Variants in LSAMP observed in about 807,000 individuals in gnomAD.
The protein encoded by LSAMP is limbic system-associated membrane protein.
LSAMP carries 7 observed loss-of-function variants against 38.6 expected under a neutral mutation model. The observed-to-expected ratio is 0.18, with a 90% CI of 0.10 to 0.34. LSAMP has a LOEUF of 0.34. Ranked by LOEUF, LSAMP falls within the 10% of genes least tolerant of loss-of-function variation. The pLI, the probability that LSAMP is intolerant of heterozygous loss-of-function variation, is 1.00. For synonymous variants in LSAMP, 154 were observed against 166.8 expected (o/e 0.92, Z 0.59); for missense variants, 313 against 420.0 (o/e 0.75, Z 2.23).
At chr3:116,037,880 T>G (rs1017972476) in intron 2 of LSAMP, among the ~76,000 whole-genome samples, 2 of 152,126 alleles carry the variant, frequency 1.3e-5, no homozygotes, top group Admixed American at 1.3e-4. Context: ...ATAAGCTTAT[T>G]CTGTTTAGAT....
chr3:116,055,964 T>G (rs1941483800), intron 2 of LSAMP, among the ~76,000 whole-genome samples: 1 of 116,082 alleles, frequency 8.6e-6, no homozygotes, highest in Non-Finnish European at 2.1e-5. Flanking sequence ...GATCCCTGCT[T>G]TTTTTTTCCC....
chr3:116,158,109 G>T (rs1374772677), intron 1 of LSAMP, among the ~76,000 whole-genome samples: 1 of 151,962 alleles, frequency 6.6e-6, no homozygotes, highest in Non-Finnish European at 1.5e-5. Flanking sequence ...ACAAAAAAGA[G>T]ATCATCTTAA....
chr3:116,245,356 A>G (rs2046591642), intron 1 of LSAMP, among the ~76,000 whole-genome samples: 1 of 152,212 alleles, frequency 6.6e-6, no homozygotes, highest in African/African-American at 2.4e-5. Context: ...TGGCTGTCCT[A>G]TCAAACTAAT....
At chr3:115,861,123 T>C (rs1279470696) in intron 3 of LSAMP, among the ~76,000 whole-genome samples, 4 of 58,748 alleles carry the variant, frequency 6.8e-5, no homozygotes, top group Non-Finnish European at 9.7e-5. Context: ...CCCTCCTTCC[T>C]TCTTTCTTTC....
intron 6 of LSAMP, among the ~76,000 whole-genome samples, chr3:115,820,497 T>A (rs748707493): frequency 1.2e-4 from 19 of 152,130 alleles, no homozygotes; most frequent in Admixed American, 2.0e-4. Context: ...AATGGGGAAA[T>A]GATTTAATAT....
intron 4 of LSAMP, among the ~76,000 whole-genome samples, chr3:115,850,980 T>TC (rs71141841): frequency 9.9e-5 from 15 of 151,540 alleles, no homozygotes; most frequent in Admixed American, 2.6e-4. Flanking sequence ...TCTCTCTCTC[T>TC]TTTTTATTTT....
At chr3:115,913,090 A>C (rs1937169223) in intron 3 of LSAMP, among the ~76,000 whole-genome samples, 1 of 152,184 alleles carries the variant, frequency 6.6e-6, no homozygotes. Flanking sequence ...GGTCTAGAAA[A>C]CACGTGATGT....
chr3:116,147,683 C>T (rs969485690), intron 1 of LSAMP, among the ~76,000 whole-genome samples: 1 of 151,832 alleles, frequency 6.6e-6, no homozygotes, highest in Non-Finnish European at 1.5e-5. Context: ...ATTTAGTCCT[C>T]GGGTCCATTA....
chr3:115,930,320 T>C (rs534756969), intron 3 of LSAMP, among the ~76,000 whole-genome samples: 45 of 152,192 alleles, frequency 3.0e-4, no homozygotes, highest in African/African-American at 1.0e-3. Context: ...AATAAGCATG[T>C]ATTATGGGCC....
intron 1 of LSAMP, 130 bp downstream of exon 1, chr3:116,444,747 A>G (rs1445822419): frequency 3.4e-6 from 4 of 1,190,182 alleles, no homozygotes; most frequent in Non-Finnish European, 4.8e-6. Flanking sequence ...CACACACACC[A>G]CAAGCCTGCA....
At chr3:116,430,207 T>C (rs2049262820) in intron 1 of LSAMP, among the ~76,000 whole-genome samples, 1 of 152,198 alleles carries the variant, frequency 6.6e-6, no homozygotes, top group African/African-American at 2.4e-5. Context: ...AGTCCCTCTC[T>C]TTTGATATGT....
intron 2 of LSAMP, among the ~76,000 whole-genome samples, chr3:116,057,084 T>C (rs563579454): frequency 5.3e-5 from 8 of 152,292 alleles, no homozygotes; most frequent in African/African-American, 1.7e-4. Context: ...TGTGACCTCT[T>C]CTTAACAGCT....
chr3:116,006,496 AT>A (rs1471120078), intron 3 of LSAMP, among the ~76,000 whole-genome samples: 1 of 152,190 alleles, frequency 6.6e-6, no homozygotes, highest in Non-Finnish European at 1.5e-5. Flanking sequence ...AAATGGGATT[AT>A]TTAGTTATAT....
chr3:116,358,200 A>G (rs2048251665), intron 1 of LSAMP, among the ~76,000 whole-genome samples: 3 of 152,190 alleles, frequency 2.0e-5, no homozygotes. Context: ...CCAAAGAAAA[A>G]GCTAATTGCT....
intron 1 of LSAMP, among the ~76,000 whole-genome samples, chr3:116,272,347 G>A (rs1056945158): frequency 6.6e-6 from 1 of 152,116 alleles, no homozygotes; most frequent in Non-Finnish European, 1.5e-5. Context: ...AAGGCTCTGA[G>A]TTGGTGTTCT....
intron 1 of LSAMP, among the ~76,000 whole-genome samples, chr3:116,386,032 A>T (rs1310874774): frequency 1.3e-5 from 2 of 152,194 alleles, no homozygotes; most frequent in Admixed American, 6.5e-5. Flanking sequence ...TCCTCAAAAA[A>T]CTTTGGGAAA....
At chr3:115,996,363 C>T (rs1279000991) in intron 3 of LSAMP, among the ~76,000 whole-genome samples, 3 of 151,944 alleles carry the variant, frequency 2.0e-5, no homozygotes, top group Non-Finnish European at 4.4e-5. Context: ...TGCAGATAAT[C>T]CCCCCACCAT....
intron 3 of LSAMP, among the ~76,000 whole-genome samples, chr3:115,867,756 A>G (rs1434242876): frequency 3.4e-5 from 5 of 149,038 alleles, no homozygotes; most frequent in Admixed American, 3.3e-4. Context: ...CAGGGCAAAC[A>G]GAGAGATTTG....
chr3:116,098,300 A>G (rs1262591716), intron 1 of LSAMP, among the ~76,000 whole-genome samples: 2 of 151,964 alleles, frequency 1.3e-5, no homozygotes, highest in Non-Finnish European at 2.9e-5. Context: ...GGAGTTCAAG[A>G]CCAGCTTGAC....
Sources: gnomAD v4.1 joint callset for allele counts (sites outside exome capture counted in the v4.1 genomes callset) on GRCh38, gnomAD v4.1.1 for gene constraint, MANE v1.5 for transcripts, NCBI Gene and HGNC (gene_info 2026-07-23, HGNC 2026-07-21) for gene names.